MAP2: variants seen among roughly 807,000 people sequenced by gnomAD.
The protein encoded by MAP2 is microtubule-associated protein 2.
MAP2 carries 14 observed loss-of-function variants against 137.6 expected under a neutral mutation model. That is an observed-to-expected ratio of 0.10 (90% CI 0.07 to 0.16). The LOEUF (loss-of-function observed/expected upper bound fraction) is 0.16, where lower values mean the gene tolerates loss of function less well. Ranked by LOEUF, MAP2 falls within the 10% of genes least tolerant of loss-of-function variation. The pLI is 1.00. For missense variants in MAP2, 2,088 were observed against 2,191.5 expected, an observed-to-expected ratio of 0.95 and a Z score of 0.94; for synonymous variants, 786 against 782.3, an observed-to-expected ratio of 1.00 and a Z score of -0.08.
rs288078 is a variant in MAP2, at chr2:209,570,866, G to A, written c.-171-9170G>A. ...GGATTTTTGTGAAAAGGATGATACGGGAAGCATCTTAGCTGTCCATTCTTT... is the reference window on the plus strand; with the variant it reads ...GGATTTTTGTGAAAAGGATGATACGAGAAGCATCTTAGCTGTCCATTCTTT... On this transcript the variant is annotated intron_variant, in intron 2 of 15. Coordinates refer to ENST00000682079, the MANE Select transcript of MAP2 (RefSeq NM_001375505.1). Among the ~76,000 whole-genome samples, 1,301 of 151,956 alleles carry A rather than the reference G, an allele frequency of 8.6e-3. 19 individuals carry two copies. The highest frequency in any genetic ancestry group is 0.029 in the African/African-American group (1,219 of 41,534).
chr2:209,703,214 T>C (rs546856149), intron 11 of MAP2, among the ~76,000 whole-genome samples: 1 of 152,288 alleles, frequency 6.6e-6, no homozygotes, highest in African/African-American at 2.4e-5. Context: ...TAATCCACAG[T>C]ATGTGTTTCA....
chr2:209,545,214 T>C (rs908193826), intron 2 of MAP2, among the ~76,000 whole-genome samples: 1 of 152,166 alleles, frequency 6.6e-6, no homozygotes, highest in African/African-American at 2.4e-5. Context: ...TCCTGTAATG[T>C]GCTGAATCTT....
At chr2:209,433,830 G>C (rs745855236) in intron 1 of MAP2, among the ~76,000 whole-genome samples, 1 of 151,340 alleles carries the variant, frequency 6.6e-6, no homozygotes, top group East Asian at 1.9e-4. Flanking sequence ...TAGTCTCTTT[G>C]TACCCCAAAC....
At chr2:209,532,219 C>A (rs1448027350) in intron 2 of MAP2, among the ~76,000 whole-genome samples, 2 of 124,556 alleles carry the variant, frequency 1.6e-5, no homozygotes, top group Admixed American at 1.0e-4. Flanking sequence ...GCCTAGGTGA[C>A]AGAGGGAGAG....
chr2:209,517,155 C>T (rs527889727), intron 2 of MAP2, among the ~76,000 whole-genome samples: 2 of 152,218 alleles, frequency 1.3e-5, no homozygotes, highest in East Asian at 3.9e-4. Flanking sequence ...ATACCTGGAA[C>T]TGCTGTGTTC....
chr2:209,481,232 T>C (rs560718655), intron 1 of MAP2, among the ~76,000 whole-genome samples: 7 of 152,278 alleles, frequency 4.6e-5, no homozygotes, highest in South Asian at 2.1e-4. Context: ...TTGAGCTGCT[T>C]TGCAACCCAG....
chr2:209,442,410 T>C (rs998530090), intron 1 of MAP2, among the ~76,000 whole-genome samples: 5 of 151,580 alleles, frequency 3.3e-5, no homozygotes, highest in African/African-American at 1.2e-4. Flanking sequence ...TGGTGAACAA[T>C]TTCTGTAGTG....
At chr2:209,574,133 G>A (rs1043718472) in intron 2 of MAP2, among the ~76,000 whole-genome samples, 15 of 151,890 alleles carry the variant, frequency 9.9e-5, no homozygotes, top group Non-Finnish European at 1.8e-4. Context: ...TGGTACATTC[G>A]ATCTCTAGAC....
chr2:209,603,666 C>T (rs889243407), intron 3 of MAP2, among the ~76,000 whole-genome samples: 4 of 152,102 alleles, frequency 2.6e-5, no homozygotes, highest in Non-Finnish European at 5.9e-5. Context: ...TTTTTATACC[C>T]GCCTTTCTTG....
At chr2:209,522,520 T>C (rs556424205) in intron 2 of MAP2, among the ~76,000 whole-genome samples, 45 of 152,240 alleles carry the variant, frequency 3.0e-4, no homozygotes, top group African/African-American at 1.0e-3. Flanking sequence ...TTTTTAAAAA[T>C]AACTTTTGAA....
intron 1 of MAP2, among the ~76,000 whole-genome samples, chr2:209,458,140 G>GGCTTGGC (rs1701976439): frequency 6.6e-6 from 1 of 152,008 alleles, no homozygotes; most frequent in Non-Finnish European, 1.5e-5. Flanking sequence ...ATTTAATAAA[G>GGCTTGGC]TAGAATCATT....
At chr2:209,483,372 G>A (rs971950773) in intron 1 of MAP2, among the ~76,000 whole-genome samples, 4 of 152,084 alleles carry the variant, frequency 2.6e-5, no homozygotes, top group Non-Finnish European at 4.4e-5. Flanking sequence ...TTAAAAAAAG[G>A]TATTTAGCCT....
At chr2:209,441,335 T>TAAAAC (rs71395554) in intron 1 of MAP2, among the ~76,000 whole-genome samples, 45,109 of 151,142 alleles carry the variant, frequency 0.3, 10,872 homozygotes, top group African/African-American at 0.67. Context: ...AGTTAAGTCT[T>TAAAAC]AATTCATCAG....
intron 15 of MAP2, 44 bp downstream of exon 15, chr2:209,730,006 ATTC>A: frequency 2.1e-6 from 3 of 1,415,446 alleles, no homozygotes; most frequent in Non-Finnish European, 3.0e-6. Context: ...TTTAAAAAAA[ATTC>A]TTCTGAAATA....
At chr2:209,508,814 A>C (rs1161935167) in intron 2 of MAP2, among the ~76,000 whole-genome samples, 1 of 152,012 alleles carries the variant, frequency 6.6e-6, no homozygotes, top group Non-Finnish European at 1.5e-5. Flanking sequence ...GTGTTTTTAT[A>C]TAGTTCGGGG....
At chr2:209,426,685 T>C (rs1276881408) in intron 1 of MAP2, among the ~76,000 whole-genome samples, 1 of 152,228 alleles carries the variant, frequency 6.6e-6, no homozygotes, top group Non-Finnish European at 1.5e-5. Context: ...AAAGCCTTTC[T>C]CTTCCCATAG....
intron 3 of MAP2, among the ~76,000 whole-genome samples, chr2:209,611,469 A>T (rs2086843227): frequency 6.6e-6 from 1 of 151,752 alleles, no homozygotes; most frequent in Non-Finnish European, 1.5e-5. Flanking sequence ...ACACTGAAAA[A>T]ATATATATAT....
At chr2:209,468,317 C>CTTTTT (rs11450792) in intron 1 of MAP2, among the ~76,000 whole-genome samples, 73 of 88,490 alleles carry the variant, frequency 8.2e-4, no homozygotes, top group Non-Finnish European at 1.0e-3. Flanking sequence ...TTTAGTGTTT[C>CTTTTT]TTTTTTTTTT....
At chr2:209,463,144 A>G (rs1703271334) in intron 1 of MAP2, among the ~76,000 whole-genome samples, 1 of 152,204 alleles carries the variant, frequency 6.6e-6, no homozygotes, top group Non-Finnish European at 1.5e-5. Flanking sequence ...GAGAAAAGGC[A>G]GGAAGAGATG....
Sources: allele counts gnomAD v4.1 joint callset (sites outside exome capture counted in the v4.1 genomes callset), GRCh38; gene constraint gnomAD v4.1.1; transcripts MANE v1.5; gene names NCBI Gene and HGNC (gene_info 2026-07-23, HGNC 2026-07-21).